KAZN: variants seen among roughly 807,000 people sequenced by gnomAD.
KAZN encodes the protein kazrin.
Under a neutral mutation model 87.4 loss-of-function variants are expected in KAZN, and 40 were observed. The observed-to-expected ratio is 0.46, with a 90% CI of 0.36 to 0.60. KAZN has a LOEUF of 0.60. Ranked by LOEUF, KAZN falls within the 20% of genes least tolerant of loss-of-function variation. KAZN has a pLI of 0.00. For synonymous variants in KAZN, 466 were observed against 458.3 expected (o/e 1.02, Z -0.22); for missense variants, 898 against 1,073.9 (o/e 0.84, Z 2.29).
chr1:14,040,631 G>A (rs894883064), intron 1 of KAZN, among the ~76,000 whole-genome samples: 156 of 151,942 alleles, frequency 1.0e-3, no homozygotes, highest in East Asian at 3.9e-4. Context: ...GCATGGTGGC[G>A]CCCGCCTGTA....
chr1:14,410,312 G>A (rs2101187634), intron 2 of KAZN, among the ~76,000 whole-genome samples: 1 of 152,286 alleles, frequency 6.6e-6, no homozygotes, highest in East Asian at 1.9e-4. Context: ...ATGTTGGCTA[G>A]GCTGATCTTG....
intron 1 of KAZN, among the ~76,000 whole-genome samples, chr1:14,938,554 A>T (rs1045349064): frequency 1.3e-5 from 2 of 152,026 alleles, no homozygotes; most frequent in African/African-American, 4.8e-5. Context: ...AAAAAAAAAA[A>T]AAAAAGGGTG....
chr1:14,718,139 C>T (rs774114306), intron 1 of KAZN, among the ~76,000 whole-genome samples: 34 of 152,218 alleles, frequency 2.2e-4, no homozygotes, highest in Non-Finnish European at 2.9e-5. Flanking sequence ...CCTGTCCAGT[C>T]GCATTTTCGA....
intron 1 of KAZN, among the ~76,000 whole-genome samples, chr1:13,975,267 GC>G (rs1259799486): frequency 1.3e-5 from 2 of 152,154 alleles, no homozygotes; most frequent in Non-Finnish European, 2.9e-5. Context: ...GCCTGGGGAG[GC>G]CTTTGATTGT....
intron 1 of KAZN, among the ~76,000 whole-genome samples, chr1:14,795,519 C>A (rs1645803231): frequency 6.6e-6 from 1 of 152,154 alleles, no homozygotes; most frequent in Admixed American, 6.5e-5. Flanking sequence ...CACAGATTTG[C>A]TCCCCTCCTT....
At chr1:14,678,059 A>C (rs1210222581) in intron 1 of KAZN, among the ~76,000 whole-genome samples, 1 of 152,092 alleles carries the variant, frequency 6.6e-6, no homozygotes, top group Non-Finnish European at 1.5e-5. Flanking sequence ...GGGCTCTGGC[A>C]CCTCTGATGG....
intron 2 of KAZN, among the ~76,000 whole-genome samples, chr1:14,323,749 C>T (rs781573928): frequency 7.2e-5 from 11 of 152,196 alleles, no homozygotes; most frequent in African/African-American, 2.4e-4. Context: ...TGCTGGACCA[C>T]ATCTTGGCAG....
At chr1:14,791,136 C>A (rs1316196299) in intron 1 of KAZN, among the ~76,000 whole-genome samples, 1 of 152,200 alleles carries the variant, frequency 6.6e-6, no homozygotes, top group African/African-American at 2.4e-5. Flanking sequence ...CCTTGAGATG[C>A]CTCTAAATCA....
At chr1:14,247,801 A>T (rs1356479108) in intron 2 of KAZN, among the ~76,000 whole-genome samples, 1 of 152,144 alleles carries the variant, frequency 6.6e-6, no homozygotes, top group African/African-American at 2.4e-5. Flanking sequence ...ACTGCAGAAT[A>T]ACTGCTCATC....
Position 14,492,769 on chromosome 1 carries a change from ACAC to A in KAZN, c.250-106210_250-106208del, listed in dbSNP as rs532751178. Among the ~76,000 whole-genome samples the A allele has an allele frequency of 8.5e-4, 18 of 21,198 alleles. No individual in the cohort carries two copies. In the South Asian group the frequency reaches 0.019, roughly 23 times the overall value. The allele number at this position is 21,198 out of a possible 152,430, so 13.9% of individuals were successfully genotyped here. A position where few individuals can be genotyped will look rare whatever the true frequency, so the allele number is the denominator to read the frequency against. ...CACCACATGTGCACACACATCACAC[ACAC>A]CACACGTGCACACACATCACACATA... On this transcript the variant is annotated intron_variant, in intron 2 of 16. Coordinates refer to the KAZN transcript ENST00000636203.
chr1:13,904,288 G>T (rs1418680281), intron 1 of KAZN, among the ~76,000 whole-genome samples: 1 of 152,126 alleles, frequency 6.6e-6, no homozygotes, highest in Admixed American at 6.5e-5. Flanking sequence ...ATCTCAGGAA[G>T]GGAACCCCTC....
At chr1:14,777,975 G>A (rs116817540) in intron 1 of KAZN, among the ~76,000 whole-genome samples, 7,812 of 152,094 alleles carry the variant, frequency 0.051, 480 homozygotes, top group Admixed American at 0.19. Flanking sequence ...GGTCACTCTC[G>A]CCACCATCTT....
rs1011840048 is a variant in KAZN, at chr1:14,599,540, C to G, written c.226+317C>G. Among the ~76,000 whole-genome samples the G allele has an allele frequency of 6.6e-6, 1 of 152,162 alleles. No individual in the cohort carries two copies. On this transcript the variant is annotated intron_variant, in intron 1 of 14. Coordinates refer to ENST00000376030, the MANE Select transcript of KAZN (RefSeq NM_201628.3). This position sits in a 1 kb window ranked among gnomAD's most constrained non-coding sequence, Gnocchi z 4.4. ...TTCCGTGGCACCAGCCCCCTAGCTC[C>G]GTGCAAACTTTTCATGCCGGGGCCT...
chr1:14,344,410 C>T (rs1657962471), intron 2 of KAZN, among the ~76,000 whole-genome samples: 2 of 151,612 alleles, frequency 1.3e-5, no homozygotes, highest in Non-Finnish European at 1.5e-5. Context: ...ATAAAATATG[C>T]TAATTCCATC....
chr1:14,945,259 T>C (rs759835879), intron 1 of KAZN, among the ~76,000 whole-genome samples: 5 of 152,128 alleles, frequency 3.3e-5, no homozygotes, highest in African/African-American at 4.8e-5. Flanking sequence ...TGTGAGGCAG[T>C]CCCCCGTGGC....
In KAZN at chr1:14,508,929, G is replaced by C. The variant is rs575390087; in HGVS notation, c.250-90054G>C. Among the ~76,000 whole-genome samples, 3 of 152,322 alleles carry C rather than the reference G, an allele frequency of 2.0e-5. No homozygotes were observed. The South Asian group carries it at 6.2e-4, about 32-fold the overall frequency. On this transcript the variant is annotated intron_variant, in intron 2 of 16. Transcript: ENST00000636203. ...TAGGAAGGGCATTTCTGGGATCATT[G>C]CTTGCCTGTTCTGTCCTGTAAGAAA...
chr1:14,575,737 A>G (rs1202416951), intron 2 of KAZN, among the ~76,000 whole-genome samples: 2 of 152,180 alleles, frequency 1.3e-5, no homozygotes, highest in African/African-American at 2.4e-5. Flanking sequence ...CTAGTAACAC[A>G]TCATTGAGGA....
chr1:14,990,070 C>G lies in KAZN; in HGVS notation c.418+29195C>G, dbSNP rs1342916988. Among the ~76,000 whole-genome samples the G allele has an allele frequency of 3.3e-5, 5 of 152,276 alleles. No homozygotes were observed. In the East Asian group the frequency reaches 9.6e-4, roughly 29 times the overall value. ...GCCGAGAGATATTCAGTAACCTGCT[C>G]AAAGCCACACAGCCGCTAATCCAGA... is the stretch of plus-strand genomic sequence containing the variant. On this transcript the variant is annotated intron_variant, in intron 2 of 14. Transcript: ENST00000376030.
At chr1:14,812,336 T>C (rs910773175) in intron 1 of KAZN, among the ~76,000 whole-genome samples, 1 of 152,148 alleles carries the variant, frequency 6.6e-6, no homozygotes, top group Admixed American at 6.5e-5. Context: ...CCTTGTACAG[T>C]GCACATCTTG....
Sources: gnomAD v4.1 joint callset for allele counts (sites outside exome capture counted in the v4.1 genomes callset) on GRCh38, gnomAD v4.1.1 for gene constraint, Gnocchi (gnomAD v3.1) non-coding constraint, MANE v1.5 for transcripts, NCBI Gene and HGNC (gene_info 2026-07-23, HGNC 2026-07-21) for gene names.